Variants in ZNF365 observed in about 807,000 individuals in gnomAD.
The protein encoded by ZNF365 is zinc finger protein 365.
ZNF365 carries 22 observed loss-of-function variants against 35.0 expected under a neutral mutation model. That is an observed-to-expected ratio of 0.63 (90% CI 0.45 to 0.90). The LOEUF is 0.90. ZNF365 is among the 40% of genes least tolerant of loss of function. The pLI is 0.00. For missense variants in ZNF365, 448 were observed against 500.3 expected, an observed-to-expected ratio of 0.90 and a Z score of 1.00; for synonymous variants, 188 against 196.2, an observed-to-expected ratio of 0.96 and a Z score of 0.35.
intron 3 of ZNF365, among the ~76,000 whole-genome samples, chr10:62,453,823 G>T (rs1468103782): frequency 6.6e-6 from 1 of 152,130 alleles, no homozygotes; most frequent in Non-Finnish European, 1.5e-5. Flanking sequence ...TGAAAACTTG[G>T]AAACAATTTA....
At chr10:62,452,025 A>G (rs1840691001) in intron 3 of ZNF365, among the ~76,000 whole-genome samples, 1 of 152,248 alleles carries the variant, frequency 6.6e-6, no homozygotes, top group Non-Finnish European at 1.5e-5. Flanking sequence ...TACTATTCCT[A>G]TATTACCAGT....
chr10:62,460,941 A>G (rs2132480978), intron 4 of ZNF365, among the ~76,000 whole-genome samples: 1 of 152,304 alleles, frequency 6.6e-6, no homozygotes, highest in South Asian at 2.1e-4. Context: ...CTGTGAGAGA[A>G]GGAGGGTCAC....
intron 3 of ZNF365, among the ~76,000 whole-genome samples, chr10:62,420,755 G>T (rs1840153701): frequency 6.7e-6 from 1 of 149,302 alleles, no homozygotes; most frequent in Non-Finnish European, 1.5e-5. Flanking sequence ...ATGTCTTCTA[G>T]AATGGTTTCT....
In ZNF365 at chr10:62,377,018, T is replaced by A. The variant is rs1839349312; in HGVS notation, c.743+82T>A. 4 of 1,509,388 alleles carry A rather than the reference T, an allele frequency of 2.7e-6. No homozygotes were observed. The South Asian group carries it at 5.3e-5, about 20-fold the overall frequency. The allele number at this position is 1,509,388 out of a possible 1,614,324, so 93.5% of individuals were successfully genotyped here. A position where few individuals can be genotyped will look rare whatever the true frequency, so the allele number is the denominator to read the frequency against. On this transcript the variant is annotated intron_variant, in intron 2 of 4. Coordinates refer to ENST00000395254, the MANE Select transcript of ZNF365 (RefSeq NM_014951.3). Reference sequence around the variant, plus strand: ...CCTTACAAGCAAATGCTAAGCAAGGTTGATTTTTGCTATTTGCAGGTGCCT... The same window carrying A: ...CCTTACAAGCAAATGCTAAGCAAGGATGATTTTTGCTATTTGCAGGTGCCT...
At chr10:62,418,532 G>C (rs1324743583) in intron 3 of ZNF365, among the ~76,000 whole-genome samples, 2 of 151,920 alleles carry the variant, frequency 1.3e-5, no homozygotes, top group African/African-American at 4.8e-5. Flanking sequence ...TCTCCTCTCT[G>C]TTATAGCTTT....
intron 3 of ZNF365, among the ~76,000 whole-genome samples, chr10:62,424,153 A>G (rs1258141182): frequency 6.6e-6 from 1 of 152,210 alleles, no homozygotes; most frequent in Non-Finnish European, 1.5e-5. Context: ...TGAGAACTCT[A>G]TTAATTTGAG....
At chr10:62,390,363 G>A (rs531870929) in intron 3 of ZNF365, among the ~76,000 whole-genome samples, 2 of 152,164 alleles carry the variant, frequency 1.3e-5, no homozygotes, top group African/African-American at 4.8e-5. Flanking sequence ...GAAATCTTCC[G>A]ATACTCAGCC....
At chr10:62,399,464 AG>A (rs1460589261) in intron 4 of ZNF365, 63 bp from the exon 5 acceptor site, 44 of 1,576,242 alleles carry the variant, frequency 2.8e-5, no homozygotes, top group Non-Finnish European at 3.7e-5. Flanking sequence ...TATTCTTTTA[AG>A]GTTTTAAAGA....
At chr10:62,402,753 C>G (rs1839849821), downstream of ZNF365, among the ~76,000 whole-genome samples, 1 of 152,192 alleles carries the variant, frequency 6.6e-6, no homozygotes, top group Non-Finnish European at 1.5e-5. Context: ...TATTTTTAAA[C>G]TTGTCATCTC....
intron 3 of ZNF365, among the ~76,000 whole-genome samples, chr10:62,447,176 A>T (rs913703689): frequency 6.6e-6 from 1 of 152,244 alleles, no homozygotes; most frequent in South Asian, 2.1e-4. Flanking sequence ...ATAATTGAGT[A>T]CAAAAATACA....
At chr10:62,388,674 T>A in intron 3 of ZNF365, 98 bp downstream of exon 3, 1 of 1,375,306 alleles carries the variant, frequency 7.3e-7, no homozygotes, top group South Asian at 1.4e-5. Context: ...TTGCAGGGAC[T>A]CTCTAGACAT....
chr10:62,434,164 G>T (rs545281970), intron 3 of ZNF365, among the ~76,000 whole-genome samples: 2 of 152,300 alleles, frequency 1.3e-5, no homozygotes, highest in East Asian at 3.9e-4. Flanking sequence ...ATTTTAACCA[G>T]CACCTTGGGT....
At position 62,409,574 on chromosome 10, in the gene ZNF365, G is replaced by A. The variant is rs1388872021; in HGVS notation, c.924+20998G>A. On this transcript the variant is annotated intron_variant, in intron 3 of 4. Transcript: ENST00000395255. ...GTAATGAAGTGGTCATTGACTCTGT[G>A]GCACAAAAGGGTTTTTTTGTATTCT... 2.0e-5 allele frequency among the ~76,000 whole-genome samples: 3 copies of A among 152,040 alleles called. No homozygotes were observed. In the East Asian group the frequency reaches 5.8e-4, roughly 29 times the overall value.
intron 3 of ZNF365, among the ~76,000 whole-genome samples, chr10:62,414,445 G>T (rs1338659528): frequency 6.6e-6 from 1 of 151,848 alleles, no homozygotes; most frequent in Non-Finnish European, 1.5e-5. Flanking sequence ...TTAGGCTTTA[G>T]CAATCTTCCC....
chr10:62,448,237 A>G (rs1225382971), intron 3 of ZNF365, among the ~76,000 whole-genome samples: 2 of 152,200 alleles, frequency 1.3e-5, no homozygotes, highest in African/African-American at 2.4e-5. Flanking sequence ...AAATGCACAT[A>G]TCTTAAGGGT....
At chr10:62,402,477 A>G (rs1839844970), downstream of ZNF365, 1 of 984,918 alleles carries the variant, frequency 1.0e-6, no homozygotes, top group African/African-American at 1.7e-5. Flanking sequence ...GTCTAGTTGG[A>G]GTGTTTTTTG....
intron 3 of ZNF365, among the ~76,000 whole-genome samples, chr10:62,448,405 G>A (rs769882455): frequency 5.9e-5 from 9 of 152,148 alleles, no homozygotes; most frequent in Non-Finnish European, 7.4e-5. Flanking sequence ...AAGCCAGCTA[G>A]GGATAAGAGA....
chr10:62,409,242 T>G lies in ZNF365; in HGVS notation c.924+20666T>G, dbSNP rs187086045. Among the ~76,000 whole-genome samples, 68 of 152,284 alleles carry G rather than the reference T, an allele frequency of 4.5e-4. 1 individual carries two copies. The highest frequency in any genetic ancestry group is 1.5e-3 in the African/African-American group (62 of 41,540). ...AGTGGAGGCAGCAGCTCCATCCAGTTGCCTGAGGTATTGGCAATGACAGTT... is the reference window on the plus strand; with the variant it reads ...AGTGGAGGCAGCAGCTCCATCCAGTGGCCTGAGGTATTGGCAATGACAGTT... On this transcript the variant is annotated intron_variant, in intron 3 of 4. Coordinates refer to the ZNF365 transcript ENST00000395255.
intron 3 of ZNF365, among the ~76,000 whole-genome samples, chr10:62,451,817 C>T (rs557033635): frequency 6.6e-6 from 1 of 152,310 alleles, no homozygotes; most frequent in Admixed American, 6.5e-5. Context: ...CCACAGCCTC[C>T]TCAGAGCTGG....
Sources: allele counts gnomAD v4.1 joint callset (sites outside exome capture counted in the v4.1 genomes callset), GRCh38; gene constraint gnomAD v4.1.1; transcripts MANE v1.5; gene names NCBI Gene and HGNC (gene_info 2026-07-23, HGNC 2026-07-21).